SIAH2: variants seen among roughly 807,000 people sequenced by gnomAD.
SIAH2 encodes siah E3 ubiquitin protein ligase 2, also known as E3 ubiquitin-protein ligase SIAH2.
In SIAH2, 4 loss-of-function variants were observed where a neutral mutation model predicts 20.4. That is an observed-to-expected ratio of 0.20 (90% CI 0.10 to 0.45). The LOEUF (loss-of-function observed/expected upper bound fraction) is 0.45, where lower values mean the gene tolerates loss of function less well. SIAH2 is among the 20% of genes least tolerant of loss of function. The probability of loss-of-function intolerance (pLI) is 0.99; values close to 1 mark genes in which losing one functional copy is unlikely to be tolerated. For synonymous variants in SIAH2, 171 were observed against 192.5 expected (o/e 0.89, Z 0.93); for missense variants, 259 against 440.3 (o/e 0.59, Z 3.69).
At chr3:150,749,935 T>C (rs920895271) in intron 1 of SIAH2, among the ~76,000 whole-genome samples, 1 of 152,218 alleles carries the variant, frequency 6.6e-6, no homozygotes, top group South Asian at 2.1e-4. Context: ...CTAGACCCAT[T>C]TGAAAGATGA....
At position 150,762,745 on chromosome 3, in the gene SIAH2, G is replaced by A. The variant is rs1489578219; in HGVS notation, c.105C>T (p.Ala35=). 9.4e-6 allele frequency: 11 copies of A among 1,174,152 alleles called. No individual in the cohort carries two copies. Among genetic ancestry groups the A allele is most frequent in the Non-Finnish European group, 8.5e-6 (8 of 944,640 alleles). The allele number at this position is 1,174,152 out of a possible 1,614,324, so 72.7% of individuals were successfully genotyped here. ...CGGGGCCCGCAGCCGAGATGGTGGC[G>A]GCGGCCGGGGGCGCAGCCGGGGACG... The part of the protein sequence containing the change: ...HTPSPAAPPA[A]ATISAAGPGS... Residue 35 remains alanine (A), a synonymous_variant, in exon 1 of 2, where the codon GCC becomes GCT. Transcript: ENST00000312960. This position sits in a 1 kb window ranked among gnomAD's most constrained non-coding sequence, Gnocchi z 6.6.
chr3:150,754,411 A>C (rs919669065), intron 1 of SIAH2, among the ~76,000 whole-genome samples: 3 of 152,156 alleles, frequency 2.0e-5, no homozygotes, highest in African/African-American at 7.2e-5. Context: ...CTATCATGAG[A>C]ACAGCACCAA....
At chr3:150,743,014 A>G (rs1714129633) in intron 1 of SIAH2, among the ~76,000 whole-genome samples, 2 of 152,202 alleles carry the variant, frequency 1.3e-5, no homozygotes, top group Middle Eastern at 3.2e-3. Flanking sequence ...AGCCCTATAA[A>G]AGCTGGTCTT....
intron 1 of SIAH2, among the ~76,000 whole-genome samples, chr3:150,745,626 G>A (rs1252588745): frequency 6.6e-6 from 1 of 152,018 alleles, no homozygotes; most frequent in Admixed American, 6.6e-5. Flanking sequence ...CTCCCAAGTA[G>A]CTGGGACTAC....
chr3:150,745,277 A>ACACACACACACC (rs1491209324), intron 1 of SIAH2, among the ~76,000 whole-genome samples: 1 of 128,926 alleles, frequency 7.8e-6, no homozygotes, highest in African/African-American at 2.7e-5. Flanking sequence ...ACACACACAC[A>ACACACACACACC]CCCCACATTT....
intron 1 of SIAH2, among the ~76,000 whole-genome samples, chr3:150,757,326 C>A (rs1274997850): frequency 6.6e-6 from 1 of 152,102 alleles, no homozygotes; most frequent in East Asian, 1.9e-4. Flanking sequence ...CTCTTAAAGA[C>A]CCTCAGGTGC....
chr3:150,744,254 T>A (rs145619615), intron 1 of SIAH2, among the ~76,000 whole-genome samples: 13 of 152,210 alleles, frequency 8.5e-5, no homozygotes, highest in African/African-American at 2.9e-4. Flanking sequence ...TCTCCCCTAA[T>A]CGGAAAGGAG....
At chr3:150,749,777 C>T (rs1406756143) in intron 1 of SIAH2, among the ~76,000 whole-genome samples, 1 of 152,132 alleles carries the variant, frequency 6.6e-6, no homozygotes, top group East Asian at 1.9e-4. Flanking sequence ...TAATAACCAA[C>T]ACTTCTTTGG....
chr3:150,762,329 T>TTTA lies in SIAH2; in HGVS notation c.417+103_417+104insTAA. On this transcript the variant is annotated intron_variant, in intron 1 of 1. Coordinates refer to ENST00000312960, the MANE Select transcript of SIAH2 (RefSeq NM_005067.7). The surrounding 1 kb of genome is among the most constrained non-coding windows in gnomAD (Gnocchi z 6.6). The stretch of plus-strand genomic sequence containing the variant: ...GTAAACATTTTTTCTTTTTTTTTTT[T>TTTA]AAATGAGAGATGCCGCCCGCCTCTC... The TTTA allele has an allele frequency of 2.0e-6, 3 of 1,478,876 alleles. No individual in the cohort carries two copies. The South Asian group carries it at 3.9e-5, about 19-fold the overall frequency. The allele number at this position is 1,478,876 out of a possible 1,614,324, so 91.6% of individuals were successfully genotyped here.
rs761447785 is a variant in SIAH2, at chr3:150,762,716, G to A, written c.134C>T (p.Ser45Leu). 19 of 1,215,500 alleles carry A rather than the reference G, an allele frequency of 1.6e-5. No homozygotes were observed. In the African/African-American group the frequency reaches 1.9e-4, roughly 12 times the overall value. The allele number at this position is 1,215,500 out of a possible 1,614,324, so 75.3% of individuals were successfully genotyped here. ...CGCCGCCGCGGCGGGCACCGCGGACGAGCCGGGGCCCGCAGCCGAGATGGT... is the reference window on the plus strand; with the variant it reads ...CGCCGCCGCGGCGGGCACCGCGGACAAGCCGGGGCCCGCAGCCGAGATGGT... ...AATISAAGPGSSAVPAAAAVI... is the reference protein window; with the variant it reads ...AATISAAGPGLSAVPAAAAVI... The change falls in exon 1 of 2, where the codon TCG becomes TTG. Residue 45 changes from serine (S) to leucine (L), a missense_variant. Ser to Leu is a moderately radical substitution (Grantham distance 145, BLOSUM62 -2). Coordinates refer to ENST00000312960, the MANE Select transcript of SIAH2 (RefSeq NM_005067.7). The surrounding 1 kb of genome is among the most constrained non-coding windows in gnomAD (Gnocchi z 6.6).
At chr3:150,755,671 C>T (rs1369835687) in intron 1 of SIAH2, among the ~76,000 whole-genome samples, 1 of 152,110 alleles carries the variant, frequency 6.6e-6, no homozygotes, top group East Asian at 1.9e-4. Context: ...GCATGCGCCA[C>T]CACGCCTGGC....
intron 1 of SIAH2, among the ~76,000 whole-genome samples, chr3:150,758,756 T>A (rs1259484222): frequency 1.4e-5 from 2 of 143,678 alleles, no homozygotes; most frequent in South Asian, 2.3e-4. Flanking sequence ...TTTTTTTTTT[T>A]AATGAGACTG....
rs535020532 is a variant in SIAH2, at chr3:150,741,272, G to A, written c.*869C>T. ...TTAGTCTTTCACACCAGCTACTGTTGAGGAGGGCTTCCGAGGGAAGCCACG... is the reference window on the plus strand; with the variant it reads ...TTAGTCTTTCACACCAGCTACTGTTAAGGAGGGCTTCCGAGGGAAGCCACG... On this transcript the variant is annotated 3_prime_UTR_variant, in exon 2 of 2. Transcript: ENST00000312960. 1 of 152,596 alleles carries A rather than the reference G, an allele frequency of 6.6e-6. No individual in the cohort carries two copies. Among genetic ancestry groups the A allele is most frequent in the African/African-American group, 2.4e-5 (1 of 41,426 alleles). 9.5% of individuals were successfully genotyped at this position (152,596 alleles called of 1,614,324 possible).
intron 1 of SIAH2, among the ~76,000 whole-genome samples, chr3:150,754,165 T>C (rs939797023): frequency 1.3e-5 from 2 of 152,206 alleles, no homozygotes; most frequent in African/African-American, 2.4e-5. Flanking sequence ...TATTCTCAAA[T>C]TGCTACAAAG....
At chr3:150,754,267 C>G (rs181609872) in intron 1 of SIAH2, among the ~76,000 whole-genome samples, 313 of 152,294 alleles carry the variant, frequency 2.1e-3, no homozygotes, top group Admixed American at 3.7e-3. Context: ...GCTTCTGCTT[C>G]TAGGGAGGCC....
intron 1 of SIAH2, among the ~76,000 whole-genome samples, chr3:150,745,427 A>G (rs73006995): frequency 0.01 from 1,526 of 152,252 alleles, 33 homozygotes; most frequent in African/African-American, 0.035. Context: ...GACTGTATGT[A>G]AAACTGTCTA....
intron 1 of SIAH2, among the ~76,000 whole-genome samples, chr3:150,748,117 A>C (rs1714268887): frequency 6.6e-6 from 1 of 152,128 alleles, no homozygotes; most frequent in Non-Finnish European, 1.5e-5. Context: ...TCTGCCATTG[A>C]GATGTGATGT....
intron 1 of SIAH2, among the ~76,000 whole-genome samples, chr3:150,753,221 G>T (rs79707310): frequency 6.6e-6 from 1 of 152,154 alleles, no homozygotes; most frequent in South Asian, 2.1e-4. Context: ...TCAGAAAGAC[G>T]AGAGGGGTGA....
intron 1 of SIAH2, among the ~76,000 whole-genome samples, chr3:150,751,305 G>A (rs889623615): frequency 1.3e-5 from 2 of 152,066 alleles, no homozygotes; most frequent in African/African-American, 4.8e-5. Context: ...GTGGCAGCAT[G>A]TGCCTGTAGT....
Sources: allele counts gnomAD v4.1 joint callset (sites outside exome capture counted in the v4.1 genomes callset), GRCh38; gene constraint gnomAD v4.1.1; non-coding constraint Gnocchi (gnomAD v3.1); transcripts MANE v1.5; gene names NCBI Gene and HGNC (gene_info 2026-07-23, HGNC 2026-07-21).